GLIS3: variants seen among roughly 807,000 people sequenced by gnomAD.
The protein encoded by GLIS3 is zinc finger protein GLIS3.
In GLIS3, 53 loss-of-function variants were observed where a neutral mutation model predicts 78.6. The observed-to-expected ratio is 0.67, with a 90% CI of 0.54 to 0.85. The LOEUF is 0.85. Among genes scored for constraint, GLIS3 ranks in the 40% least tolerant of loss-of-function variants. GLIS3 has a pLI of 0.00. For missense variants in GLIS3, 1,703 were observed against 1,231.1 expected, an observed-to-expected ratio of 1.38 and a Z score of -5.74; for synonymous variants, 684 against 509.9, an observed-to-expected ratio of 1.34 and a Z score of -4.60.
At chr9:3,952,799 T>C (rs879599406) in intron 4 of GLIS3, among the ~76,000 whole-genome samples, 16 of 152,100 alleles carry the variant, frequency 1.1e-4, no homozygotes, top group Non-Finnish European at 2.1e-4. Context: ...AAGCAGACTC[T>C]GATTTAGCAC....
At chr9:4,113,558 C>T (rs1034672664) in intron 4 of GLIS3, among the ~76,000 whole-genome samples, 2 of 152,152 alleles carry the variant, frequency 1.3e-5, no homozygotes, top group African/African-American at 2.4e-5. Context: ...AAGAATTATG[C>T]TTACATGATA....
chr9:4,244,916 G>C (rs1823659013), intron 2 of GLIS3, among the ~76,000 whole-genome samples: 1 of 152,248 alleles, frequency 6.6e-6, no homozygotes, highest in East Asian at 1.9e-4. Context: ...ACACTCAAGA[G>C]TGGTTTACAA....
chr9:4,450,428 G>C, the GLIS3 span, among the ~76,000 whole-genome samples: 1 of 152,120 alleles, frequency 6.6e-6, no homozygotes, highest in African/African-American at 2.4e-5. Flanking sequence ...CACTCTGCAG[G>C]ATATTATCCA....
chr9:4,408,500 G>C, the GLIS3 span, among the ~76,000 whole-genome samples: 5 of 151,532 alleles, frequency 3.3e-5, no homozygotes, highest in Admixed American at 2.6e-4. Flanking sequence ...AGGCTGAGGC[G>C]GGCGGATCAC....
chr9:4,254,640 G>C (rs1824734843), intron 2 of GLIS3, among the ~76,000 whole-genome samples: 3 of 152,122 alleles, frequency 2.0e-5, no homozygotes, highest in Admixed American at 6.5e-5. Context: ...AGGAGTTCAA[G>C]ACCAGCCTGG....
intron 2 of GLIS3, among the ~76,000 whole-genome samples, chr9:4,150,645 C>T (rs2131035765): frequency 6.6e-6 from 1 of 152,176 alleles, no homozygotes; most frequent in East Asian, 1.9e-4. Context: ...GAAACAATTT[C>T]AAGGGTTTCC....
chr9:4,283,118 C>T (rs1320200257), intron 2 of GLIS3, among the ~76,000 whole-genome samples: 1 of 151,768 alleles, frequency 6.6e-6, no homozygotes, highest in African/African-American at 2.4e-5. Context: ...CACACACACA[C>T]ACAGGAATGC....
intron 2 of GLIS3, among the ~76,000 whole-genome samples, chr9:4,321,657 C>T (rs1817531430): frequency 7.9e-6 from 1 of 126,948 alleles, no homozygotes; most frequent in Admixed American, 1.0e-4. Context: ...CATTTCTTCT[C>T]TGCTATCCCT....
chr9:4,062,710 A>G (rs569490867), intron 4 of GLIS3, among the ~76,000 whole-genome samples: 3 of 152,234 alleles, frequency 2.0e-5, no homozygotes, highest in South Asian at 2.1e-4. Flanking sequence ...GGCGGATCAC[A>G]AGGTCAGGAG....
chr9:4,314,311 C>G (rs927160807), intron 2 of GLIS3, among the ~76,000 whole-genome samples: 2 of 152,228 alleles, frequency 1.3e-5, no homozygotes, highest in African/African-American at 4.8e-5. Flanking sequence ...AGTGCTCTTT[C>G]TCCCAGGCTG....
intron 4 of GLIS3, among the ~76,000 whole-genome samples, chr9:4,103,376 G>C (rs533179876): frequency 6.6e-6 from 1 of 152,120 alleles, no homozygotes; most frequent in Admixed American, 6.5e-5. Flanking sequence ...TCAATACCAT[G>C]GAGACATTAC....
chr9:4,312,241 G>C (rs150958338), intron 2 of GLIS3, among the ~76,000 whole-genome samples: 1 of 152,214 alleles, frequency 6.6e-6, no homozygotes, highest in South Asian at 2.1e-4. Context: ...GCCAAGGCTG[G>C]CGGATCACTT....
chr9:4,281,609 G>C (rs1359887008), intron 2 of GLIS3, among the ~76,000 whole-genome samples: 2 of 152,214 alleles, frequency 1.3e-5, no homozygotes, highest in Admixed American at 6.5e-5. Context: ...GCATGTGTCA[G>C]AACTTCCTTT....
At chr9:4,180,764 AG>A (rs1235056799) in intron 2 of GLIS3, among the ~76,000 whole-genome samples, 6 of 152,170 alleles carry the variant, frequency 3.9e-5, no homozygotes, top group African/African-American at 1.4e-4. Context: ...CACAAACTAG[AG>A]GTAAGTCCAC....
At chr9:4,453,933 A>G in the GLIS3 span, among the ~76,000 whole-genome samples, 1 of 152,202 alleles carries the variant, frequency 6.6e-6, no homozygotes, top group Admixed American at 6.5e-5. Context: ...CCAACATGGC[A>G]CATGTATACC....
intron 4 of GLIS3, among the ~76,000 whole-genome samples, chr9:4,037,049 G>T (rs563423297): frequency 1.2e-4 from 18 of 152,184 alleles, no homozygotes; most frequent in Admixed American, 1.0e-3. Context: ...ACTAGGGAAG[G>T]AGATTTGAAA....
the GLIS3 span, among the ~76,000 whole-genome samples, chr9:4,380,153 G>T: frequency 1.3e-5 from 2 of 152,208 alleles, no homozygotes; most frequent in Non-Finnish European, 2.9e-5. Flanking sequence ...TATACAGCTA[G>T]GAGAAGGAAT....
intron 2 of GLIS3, among the ~76,000 whole-genome samples, chr9:4,141,841 C>A (rs781475271): frequency 6.6e-6 from 1 of 152,220 alleles, no homozygotes; most frequent in East Asian, 1.9e-4. Context: ...TCTCAACACA[C>A]AGGCAATCTG....
chr9:4,088,371 AG>A (rs1400054031), intron 4 of GLIS3, among the ~76,000 whole-genome samples: 3 of 152,258 alleles, frequency 2.0e-5, no homozygotes, highest in Non-Finnish European at 2.9e-5. Flanking sequence ...CAATAATTAA[AG>A]AAGAGAGAAA....
Sources: allele counts gnomAD v4.1 joint callset (sites outside exome capture counted in the v4.1 genomes callset), GRCh38; gene constraint gnomAD v4.1.1; transcripts MANE v1.5; gene names NCBI Gene and HGNC (gene_info 2026-07-23, HGNC 2026-07-21).